The following CASP5 variants were observed in gnomAD, a reference collection of about 807,000 sequenced individuals.
The protein encoded by CASP5 is caspase-5.
A neutral mutation model predicts 45.2 loss-of-function variants in CASP5; 42 were observed. The observed-to-expected ratio is 0.93, with a 90% CI of 0.73 to 1.20. The LOEUF (loss-of-function observed/expected upper bound fraction) is 1.20. Ranked by LOEUF, CASP5 falls within the 50% of genes most tolerant of loss-of-function variation. The pLI, the probability that CASP5 is intolerant of heterozygous loss-of-function variation, is 0.00. For synonymous variants in CASP5, 209 were observed against 186.2 expected, an observed-to-expected ratio of 1.12 and a Z score of -1.00; for missense variants, 512 against 532.2, an observed-to-expected ratio of 0.96 and a Z score of 0.37.
At position 105,023,143 on chromosome 11, in the gene CASP5, C is replaced by T; in HGVS notation, c.-7G>A. 1 of 1,551,168 alleles carries T rather than the reference C, an allele frequency of 6.4e-7. No homozygotes were observed. The highest frequency in any genetic ancestry group is 8.7e-7 in the Non-Finnish European group (1 of 1,146,466). On this transcript the variant is annotated 5_prime_UTR_variant, in exon 1 of 10. Transcript: ENST00000260315. ...GCCCAGACTCACCAGCCATAGCTAA[C>T]AGCCTCTGTCTCTTTGTACAGCACT...
At chr11:105,012,116 C>T (rs549806152) in intron 1 of CASP5, among the ~76,000 whole-genome samples, 29 of 151,630 alleles carry the variant, frequency 1.9e-4, no homozygotes, top group African/African-American at 6.5e-4. Flanking sequence ...ACAAAAAGGC[C>T]AGAAATAAAC....
intron 1 of CASP5, 118 bp downstream of exon 1, chr11:105,023,012 G>A: frequency 2.2e-6 from 2 of 891,682 alleles, no homozygotes; most frequent in South Asian, 1.4e-5. Flanking sequence ...GAAAGATTCA[G>A]CATGCACACT....
At chr11:104,999,154 GTTTTAAGCCCACA>G in intron 6 of CASP5, 126 bp from the exon 7 acceptor site, 7 of 759,402 alleles carry the variant, frequency 9.2e-6, no homozygotes, top group African/African-American at 1.8e-5. Context: ...TATCATATAG[GTTTTAAGCCCACA>G]TGCATTAAGT....
intron 3 of CASP5, 131 bp downstream of exon 3, chr11:105,006,952 A>C: frequency 1.2e-6 from 1 of 830,300 alleles, no homozygotes; most frequent in Non-Finnish European, 1.9e-6. Context: ...TAACAGGATG[A>C]TGACATGTTT....
At chr11:105,021,624 G>C (rs10895759) in intron 1 of CASP5, among the ~76,000 whole-genome samples, 45,901 of 129,164 alleles carry the variant, frequency 0.36, 9,589 homozygotes, top group Non-Finnish European at 0.41. Flanking sequence ...CATCTCACAC[G>C]AGTTAGAATG....
intron 1 of CASP5, among the ~76,000 whole-genome samples, chr11:105,009,603 C>T (rs1862169358): frequency 6.7e-6 from 1 of 149,596 alleles, no homozygotes; most frequent in Non-Finnish European, 1.5e-5. Context: ...TTTTCTCAAA[C>T]CAAAATTTAG....
At chr11:105,007,401 CAT>C in intron 2 of CASP5, 67 bp from the exon 3 acceptor site, 2 of 1,418,212 alleles carry the variant, frequency 1.4e-6, no homozygotes. Context: ...TCACCTAAGA[CAT>C]AACTCTGTAA....
intron 1 of CASP5, among the ~76,000 whole-genome samples, chr11:105,013,687 C>T (rs1339751423): frequency 1.3e-5 from 2 of 151,906 alleles, no homozygotes; most frequent in African/African-American, 2.4e-5. Context: ...ATGTGGATCC[C>T]GTATGGAAAC....
At chr11:105,017,612 A>C (rs1326545262) in intron 1 of CASP5, among the ~76,000 whole-genome samples, 2 of 152,158 alleles carry the variant, frequency 1.3e-5, no homozygotes, top group East Asian at 3.9e-4. Context: ...GAGAAAAAAG[A>C]ATAAAAAGAA....
At chr11:105,007,373 G>T (rs1197587172) in intron 2 of CASP5, 39 bp from the exon 3 acceptor site, 1 of 1,558,374 alleles carries the variant, frequency 6.4e-7, no homozygotes. Flanking sequence ...TATGGGCACA[G>T]CTTAAAGAGT....
In CASP5 at chr11:105,005,354, A is replaced by ATG. The variant is rs1383458291; in HGVS notation, c.433+1728_433+1729insCA. Among the ~76,000 whole-genome samples, 12 of 114,010 alleles carry ATG rather than the reference A, an allele frequency of 1.1e-4. No homozygotes were observed. The East Asian group carries it at 1.3e-3, about 12-fold the overall frequency. The allele number at this position is 114,010 out of a possible 152,430, so 74.8% of individuals were successfully genotyped here. On this transcript the variant is annotated intron_variant, in intron 3 of 9. Coordinates refer to ENST00000260315, the MANE Select transcript of CASP5 (RefSeq NM_004347.5). Reference sequence around the variant, plus strand: ...TCATCGGTATATAGTGTGTATATATATATGTGTGTGTGTGTGTGTGTGTGT... The same window carrying ATG: ...TCATCGGTATATAGTGTGTATATATATGTATGTGTGTGTGTGTGTGTGTGTGT...
chr11:105,006,646 G>T (rs966084399), intron 3 of CASP5, among the ~76,000 whole-genome samples: 2 of 152,312 alleles, frequency 1.3e-5, no homozygotes, highest in African/African-American at 4.8e-5. Context: ...CTTGGAAGTT[G>T]TTGGCATGTG....
chr11:104,995,908 G>T, intron 8 of CASP5, 66 bp from the exon 9 acceptor site: 2 of 1,012,508 alleles, frequency 2.0e-6, no homozygotes, highest in Non-Finnish European at 3.1e-6. Flanking sequence ...CTTACACCAT[G>T]AACCAGGAAA....
chr11:105,020,238 A>T (rs1344681752), intron 1 of CASP5, among the ~76,000 whole-genome samples: 1 of 149,930 alleles, frequency 6.7e-6, no homozygotes, highest in African/African-American at 2.4e-5. Flanking sequence ...TCCCTTTGAA[A>T]ACTGGCACAA....
chr11:105,018,409 C>T (rs1256128536), intron 1 of CASP5, among the ~76,000 whole-genome samples: 2 of 152,118 alleles, frequency 1.3e-5, no homozygotes, highest in East Asian at 3.8e-4. Context: ...TCAGGAAACC[C>T]ATCTCACATG....
intron 1 of CASP5, among the ~76,000 whole-genome samples, chr11:105,012,831 C>CA (rs1390492215): frequency 6.6e-6 from 1 of 151,184 alleles, no homozygotes; most frequent in African/African-American, 2.4e-5. Flanking sequence ...TAAATTAGTA[C>CA]AGTCATAATG....
chr11:105,021,108 G>A (rs910279458), intron 1 of CASP5, among the ~76,000 whole-genome samples: 1 of 152,006 alleles, frequency 6.6e-6, no homozygotes, highest in African/African-American at 2.4e-5. Flanking sequence ...CTAGCCATAT[G>A]TAGAAAGCTG....
intron 1 of CASP5, among the ~76,000 whole-genome samples, chr11:105,022,165 T>G (rs1591183581): frequency 3.4e-5 from 3 of 89,328 alleles, no homozygotes; most frequent in Middle Eastern, 9.8e-3. Context: ...TGTTGTGGGG[T>G]GGGGGGAGGG....
In CASP5 at chr11:105,007,233, A is replaced by G. The variant is rs962146028; in HGVS notation, c.283T>C (p.Leu95=). The G allele has an allele frequency of 1.9e-6, 3 of 1,613,234 alleles. No homozygotes were observed. The highest frequency in any genetic ancestry group is 2.7e-5 in the African/African-American group (2 of 74,862). The change falls in exon 3 of 10, where the codon TTG becomes CTG. Residue 95 remains leucine, a synonymous_variant. Transcript: ENST00000260315. ...NYLAKHDVLT[L]KEEEKKKYYD... is the part of the protein sequence containing the mutation. ...TATTTTTTCTTTTCCTCTTCCTTCAATGTCAGAACATCGTGTTTTGCCAAA... is the reference window on the plus strand; with the variant it reads ...TATTTTTTCTTTTCCTCTTCCTTCAGTGTCAGAACATCGTGTTTTGCCAAA...
Sources: allele counts gnomAD v4.1 joint callset (sites outside exome capture counted in the v4.1 genomes callset), GRCh38; gene constraint gnomAD v4.1.1; transcripts MANE v1.5; gene names NCBI Gene and HGNC (gene_info 2026-07-23, HGNC 2026-07-21).